The following LRRC39 variants were observed in gnomAD, a reference collection of about 807,000 sequenced individuals.
LRRC39 encodes leucine rich repeat containing 39.
LRRC39 carries 35 observed loss-of-function variants against 39.7 expected under a neutral mutation model. The observed-to-expected ratio is 0.88, with a 90% CI of 0.67 to 1.17. The LOEUF (loss-of-function observed/expected upper bound fraction) is 1.17. Among genes scored for constraint, LRRC39 ranks in the 50% most tolerant of loss-of-function variants. The probability of loss-of-function intolerance (pLI) is 0.00; values close to 1 mark genes in which losing one functional copy is unlikely to be tolerated. For synonymous variants in LRRC39, 113 were observed against 134.1 expected (o/e 0.84, Z 1.09); for missense variants, 357 against 385.8 (o/e 0.93, Z 0.62).
rs1659401243 is a variant in LRRC39, at chr1:100,168,577, T to C, written c.-61A>G. The C allele has an allele frequency of 1.6e-6, 2 of 1,288,266 alleles. No homozygotes were observed. The highest frequency in any genetic ancestry group is 2.0e-5 in the Admixed American group (1 of 49,164). The allele number at this position is 1,288,266 out of a possible 1,614,324, so 79.8% of individuals were successfully genotyped here. A position where few individuals can be genotyped will look rare whatever the true frequency, so the allele number is the denominator to read the frequency against. ...AGGTTTTGAATAGCTGAATCATAGATACCATTTCAGAAAGGACCTAAATGT... is the reference window on the plus strand; with the variant it reads ...AGGTTTTGAATAGCTGAATCATAGACACCATTTCAGAAAGGACCTAAATGT... On this transcript the variant is annotated 5_prime_UTR_variant, in exon 3 of 10. Transcript: ENST00000370137.
chr1:100,153,063 A>G (rs567004491), intron 8 of LRRC39, among the ~76,000 whole-genome samples: 1 of 152,300 alleles, frequency 6.6e-6, no homozygotes, highest in South Asian at 2.1e-4. Flanking sequence ...CTTAACTTCT[A>G]AGAGCAATTT....
In LRRC39 at chr1:100,148,976, T is replaced by G; in HGVS notation, c.*66A>C. On this transcript the variant is annotated 3_prime_UTR_variant, in exon 10 of 10. Coordinates refer to ENST00000370137, the MANE Select transcript of LRRC39 (RefSeq NM_144620.4). ...CTTTGGTAATAGCTTTTCTTTTTACTTCAGAAATCCAAACATTAGAGAATT... is the reference window on the plus strand; with the variant it reads ...CTTTGGTAATAGCTTTTCTTTTTACGTCAGAAATCCAAACATTAGAGAATT... 3 of 1,391,444 alleles carry G rather than the reference T, an allele frequency of 2.2e-6. No homozygotes were observed. The highest frequency in any genetic ancestry group is 2.9e-6 in the Non-Finnish European group (3 of 1,046,722). The allele number at this position is 1,391,444 out of a possible 1,614,324, so 86.2% of individuals were successfully genotyped here.
Position 100,158,306 on chromosome 1 carries a change from C to T in LRRC39, c.438G>A (p.Lys146=). ...CCAAGCTGGCACAATTACTTAGTTC[C>T]TTGGGGACAGTCTTGATTTTGTTGT... ...LSYNKIKTVP[K]ELSNCASLEK... Residue 146 remains lysine, a synonymous_variant, in exon 6 of 10, where the codon AAG becomes AAA. Coordinates refer to ENST00000370137, the MANE Select transcript of LRRC39 (RefSeq NM_144620.4). The T allele has an allele frequency of 6.2e-7, 1 of 1,614,008 alleles. No homozygotes were observed. The highest frequency in any genetic ancestry group is 1.1e-5 in the South Asian group (1 of 91,066).
intron 1 of LRRC39, among the ~76,000 whole-genome samples, chr1:100,177,501 A>G (rs969502458): frequency 1.3e-5 from 2 of 152,222 alleles, no homozygotes; most frequent in African/African-American, 4.8e-5. Flanking sequence ...TCAGGAACAG[A>G]ATGCGAGATC....
intron 1 of LRRC39, among the ~76,000 whole-genome samples, chr1:100,177,579 A>G (rs941548490): frequency 1.3e-5 from 2 of 152,212 alleles, no homozygotes; most frequent in Non-Finnish European, 2.9e-5. Flanking sequence ...ATTGCAACCA[A>G]TTTACAATTT....
At chr1:100,152,223 C>CT (rs953950599) in intron 9 of LRRC39, among the ~76,000 whole-genome samples, 162 bp downstream of exon 9, 1 of 152,146 alleles carries the variant, frequency 6.6e-6, no homozygotes, top group African/African-American at 2.4e-5. Flanking sequence ...CTCTATTTCA[C>CT]TTTTTTTCTT....
chr1:100,173,819 T>C (rs574059565), intron 1 of LRRC39, among the ~76,000 whole-genome samples: 104 of 152,340 alleles, frequency 6.8e-4, no homozygotes, highest in African/African-American at 2.4e-3. Context: ...GGAAAATATA[T>C]ATTAAGTTCT....
chr1:100,178,828 C>G (rs1443782777), upstream of LRRC39, among the ~76,000 whole-genome samples: 1 of 152,136 alleles, frequency 6.6e-6, no homozygotes, highest in East Asian at 1.9e-4. Flanking sequence ...CTCCATCCCC[C>G]ACCCCTTCCA....
chr1:100,158,630 G>A (rs898297272), intron 5 of LRRC39, among the ~76,000 whole-genome samples: 5 of 152,124 alleles, frequency 3.3e-5, no homozygotes, highest in African/African-American at 9.6e-5. Flanking sequence ...TAGAGACGGG[G>A]TTTCACCGTG....
Position 100,168,543 on chromosome 1 carries a change from A to G in LRRC39, c.-27T>C. On this transcript the variant is annotated 5_prime_UTR_variant, in exon 3 of 10. Transcript: ENST00000370137. ...ATTTCTCCACATTGTCATAGTCACC[A>G]ACTTCATTAGGTTTTGAATAGCTGA... 1 of 1,550,622 alleles carries G rather than the reference A, an allele frequency of 6.4e-7. No homozygotes were observed. The highest frequency in any genetic ancestry group is 8.9e-7 in the Non-Finnish European group (1 of 1,129,516).
intron 9 of LRRC39, chr1:100,150,328 T>C (rs528602880): frequency 2.6e-5 from 4 of 152,336 alleles, no homozygotes; most frequent in African/African-American, 9.6e-5. Context: ...GTAAGGTAGT[T>C]TGTTTAAGTT....
chr1:100,167,583 T>C (rs1659333830), intron 3 of LRRC39, among the ~76,000 whole-genome samples: 1 of 152,078 alleles, frequency 6.6e-6, no homozygotes, highest in South Asian at 2.1e-4. Flanking sequence ...AAGACCAGCC[T>C]GGCCAACATG....
chr1:100,152,802 T>C (rs1658152286), intron 8 of LRRC39, among the ~76,000 whole-genome samples: 1 of 152,152 alleles, frequency 6.6e-6, no homozygotes, highest in South Asian at 2.1e-4. Flanking sequence ...TCTGGACTCA[T>C]GGCACCCTCC....
At chr1:100,178,873 G>A (rs569271763), upstream of LRRC39, among the ~76,000 whole-genome samples, 3 of 152,094 alleles carry the variant, frequency 2.0e-5, no homozygotes, top group South Asian at 6.2e-4. Context: ...TTCTCTTCAA[G>A]TTCTCTTCTC....
upstream of LRRC39, among the ~76,000 whole-genome samples, chr1:100,179,331 C>T (rs1314302728): frequency 1.3e-5 from 2 of 151,552 alleles, no homozygotes; most frequent in African/African-American, 2.4e-5. Flanking sequence ...TTCCCTGTCC[C>T]GAGAGTGTAC....
At chr1:100,169,303 T>C (rs994351964) in intron 2 of LRRC39, among the ~76,000 whole-genome samples, 1 of 152,044 alleles carries the variant, frequency 6.6e-6, no homozygotes, top group Non-Finnish European at 1.5e-5. Flanking sequence ...TTCAACATTA[T>C]AGGAAAACCA....
At chr1:100,154,985 A>G in intron 8 of LRRC39, 66 bp downstream of exon 8, 1 of 1,411,332 alleles carries the variant, frequency 7.1e-7, no homozygotes, top group Non-Finnish European at 9.5e-7. Context: ...CAATCTCTCT[A>G]CAGTACTTTT....
At chr1:100,154,125 G>A (rs923570344) in intron 8 of LRRC39, among the ~76,000 whole-genome samples, 68 of 151,826 alleles carry the variant, frequency 4.5e-4, no homozygotes, top group African/African-American at 1.6e-3. Flanking sequence ...AATACAAACA[G>A]CGAAGAACCA....
intron 3 of LRRC39, among the ~76,000 whole-genome samples, chr1:100,163,549 T>C (rs1301062002): frequency 1.3e-5 from 2 of 151,726 alleles, no homozygotes; most frequent in Admixed American, 6.6e-5. Context: ...ATGATATCTA[T>C]GTATTTTCCA....
Sources: allele counts gnomAD v4.1 joint callset (sites outside exome capture counted in the v4.1 genomes callset), GRCh38; gene constraint gnomAD v4.1.1; transcripts MANE v1.5; gene names NCBI Gene and HGNC (gene_info 2026-07-23, HGNC 2026-07-21).